CHKA: variants seen among roughly 807,000 people sequenced by gnomAD.
CHKA encodes the protein choline kinase alpha, also known as CHETK-alpha.
CHKA carries 34 observed loss-of-function variants against 60.1 expected under a neutral mutation model. The observed-to-expected ratio is 0.57, with a 90% CI of 0.43 to 0.75. CHKA has a LOEUF of 0.75. Ranked by LOEUF, CHKA falls within the 30% of genes least tolerant of loss-of-function variation. CHKA has a pLI of 0.00. For synonymous variants in CHKA, 217 were observed against 223.1 expected, an observed-to-expected ratio of 0.97 and a Z score of 0.24; for missense variants, 563 against 561.3, an observed-to-expected ratio of 1.00 and a Z score of -0.03.
chr11:68,081,011 T>C (rs1228490393), intron 3 of CHKA, among the ~76,000 whole-genome samples: 1 of 152,172 alleles, frequency 6.6e-6, no homozygotes, highest in African/African-American at 2.4e-5. Flanking sequence ...CCAAAACCAC[T>C]GGGCAGTGAC....
At chr11:68,059,650 G>A (rs1033871452) in intron 11 of CHKA, among the ~76,000 whole-genome samples, 2 of 152,044 alleles carry the variant, frequency 1.3e-5, no homozygotes, top group Admixed American at 6.6e-5. Context: ...CTTTGACCCA[G>A]GGTTTATTTA....
At chr11:68,071,633 A>G (rs1475722760) in intron 4 of CHKA, among the ~76,000 whole-genome samples, 2 of 152,258 alleles carry the variant, frequency 1.3e-5, no homozygotes, top group Non-Finnish European at 2.9e-5. Context: ...GCACAGGGGT[A>G]AGAGTGAATG....
intron 7 of CHKA, 27 bp downstream of exon 7, chr11:68,068,852 T>C: frequency 6.4e-7 from 1 of 1,551,814 alleles, no homozygotes; most frequent in Non-Finnish European, 8.9e-7. Flanking sequence ...ACAAACCTCA[T>C]CTGTAACAGA....
chr11:68,100,279 A>C (rs1052101067), intron 1 of CHKA, among the ~76,000 whole-genome samples: 1 of 152,212 alleles, frequency 6.6e-6, no homozygotes, highest in Non-Finnish European at 1.5e-5. Context: ...TAATAGCTTT[A>C]TAAGTCATAA....
In CHKA at chr11:68,106,725, G is replaced by GC. The variant is rs777642380; in HGVS notation, c.351-9596dup. Among the ~76,000 whole-genome samples, 7 of 152,310 alleles carry GC rather than the reference G, an allele frequency of 4.6e-5. No homozygotes were observed. The East Asian group carries it at 9.6e-4, about 21-fold the overall frequency. ...GATCATATGAGCTGTTCACTTATCA[G>GC]CACCAATTGCAAAGCAAAGGTTAAT... is the stretch of plus-strand genomic sequence containing the variant. On this transcript the variant is annotated intron_variant, in intron 1 of 11. Coordinates refer to ENST00000265689, the MANE Select transcript of CHKA (RefSeq NM_001277.3).
chr11:68,101,428 C>A (rs1699946226), intron 1 of CHKA, among the ~76,000 whole-genome samples: 1 of 151,992 alleles, frequency 6.6e-6, no homozygotes, highest in Non-Finnish European at 1.5e-5. Flanking sequence ...AAAGACCCCA[C>A]CAAAAAACTA....
chr11:68,069,035 A>G, intron 6 of CHKA, 98 bp from the exon 7 acceptor site: 1 of 813,540 alleles, frequency 1.2e-6, no homozygotes, highest in South Asian at 1.5e-5. Flanking sequence ...CGTGCTCCAA[A>G]GCAACACACA....
chr11:68,062,183 C>T, intron 10 of CHKA, 149 bp from the exon 11 acceptor site: 1 of 623,136 alleles, frequency 1.6e-6, no homozygotes, highest in Non-Finnish European at 2.9e-6. Flanking sequence ...TTCCACGGGA[C>T]TAACTAAGAA....
intron 2 of CHKA, among the ~76,000 whole-genome samples, chr11:68,088,657 C>G (rs1857261612): frequency 6.6e-6 from 1 of 152,004 alleles, no homozygotes; most frequent in Non-Finnish European, 1.5e-5. Flanking sequence ...AATATGTTTT[C>G]TTCTCAGAGT....
intron 4 of CHKA, among the ~76,000 whole-genome samples, chr11:68,072,550 TAA>T (rs10708078): frequency 0.01 from 1,172 of 112,696 alleles, 12 homozygotes; most frequent in African/African-American, 0.024. Flanking sequence ...GACCCTATCT[TAA>T]AAAAAAAAAA....
intron 11 of CHKA, among the ~76,000 whole-genome samples, chr11:68,059,695 T>C (rs1856150542): frequency 6.6e-6 from 1 of 152,238 alleles, no homozygotes; most frequent in Non-Finnish European, 1.5e-5. Flanking sequence ...TAATTGAGAA[T>C]TTTCTAGCTA....
At chr11:68,105,514 C>CAAAA (rs1170085830) in intron 1 of CHKA, among the ~76,000 whole-genome samples, 50 of 64,944 alleles carry the variant, frequency 7.7e-4, no homozygotes, top group Non-Finnish European at 1.1e-3. Context: ...GACTCCATCT[C>CAAAA]AAAAAAAAAA....
chr11:68,083,529 T>C (rs2134601698), intron 2 of CHKA, among the ~76,000 whole-genome samples: 1 of 152,332 alleles, frequency 6.6e-6, no homozygotes, highest in African/African-American at 2.4e-5. Context: ...ACTCTAACTG[T>C]ATCTTCTTAG....
At chr11:68,117,094 G>A (rs1487382472) in intron 1 of CHKA, among the ~76,000 whole-genome samples, 1 of 152,116 alleles carries the variant, frequency 6.6e-6, no homozygotes, top group African/African-American at 2.4e-5. Flanking sequence ...ACACACAAAC[G>A]TGTTAAGGGT....
intron 2 of CHKA, among the ~76,000 whole-genome samples, chr11:68,082,313 A>G (rs1857013283): frequency 6.6e-6 from 1 of 152,154 alleles, no homozygotes; most frequent in Non-Finnish European, 1.5e-5. Flanking sequence ...AATGGGGAAA[A>G]GTAAAGTCAG....
intron 11 of CHKA, among the ~76,000 whole-genome samples, chr11:68,058,910 T>A (rs570277097): frequency 6.6e-5 from 10 of 152,302 alleles, no homozygotes; most frequent in South Asian, 2.1e-4. Flanking sequence ...CCTTTTTTTT[T>A]ATTGAGACAG....
chr11:68,076,444 C>T (rs988735646), intron 3 of CHKA, among the ~76,000 whole-genome samples: 2 of 152,168 alleles, frequency 1.3e-5, no homozygotes, highest in African/African-American at 2.4e-5. Context: ...CCCAACATCA[C>T]AGAAAGTATC....
chr11:68,092,634 G>A (rs1028616075), intron 2 of CHKA, among the ~76,000 whole-genome samples: 1 of 151,970 alleles, frequency 6.6e-6, no homozygotes, highest in Non-Finnish European at 1.5e-5. Context: ...TCTTGATTTT[G>A]GTTCCCCTCC....
At position 68,066,426 on chromosome 11, in the gene CHKA, T is replaced by C; in HGVS notation, c.1016+3A>G. The C allele has an allele frequency of 6.3e-7, 1 of 1,599,384 alleles. No individual in the cohort carries two copies. Among genetic ancestry groups the C allele is most frequent in the Non-Finnish European group, 8.6e-7 (1 of 1,166,564 alleles). On this transcript the variant is annotated splice_donor_region_variant and intron_variant, in intron 8 of 11. Transcript: ENST00000265689. ...ATGGAAACACTGGACTGTAACACAG[T>C]ACCTGTAATTGTAACTGCTGTATTC...
Sources: allele counts gnomAD v4.1 joint callset (sites outside exome capture counted in the v4.1 genomes callset), GRCh38; gene constraint gnomAD v4.1.1; transcripts MANE v1.5; gene names NCBI Gene and HGNC (gene_info 2026-07-23, HGNC 2026-07-21).